The following GOSR1 variants were observed in gnomAD, a reference collection of about 807,000 sequenced individuals.
The protein encoded by GOSR1 is 28 kDa Golgi SNARE protein.
Under a neutral mutation model 35.5 loss-of-function variants are expected in GOSR1, and 21 were observed. The ratio of observed to expected loss-of-function variants is 0.59; its 90% confidence interval spans 0.42 to 0.85. The LOEUF (loss-of-function observed/expected upper bound fraction) is 0.85. Ranked by LOEUF, GOSR1 falls within the 40% of genes least tolerant of loss-of-function variation. GOSR1 has a pLI of 0.00. For missense variants in GOSR1, 285 were observed against 309.6 expected, an observed-to-expected ratio of 0.92 and a Z score of 0.60; for synonymous variants, 94 against 106.6, an observed-to-expected ratio of 0.88 and a Z score of 0.73.
intron 6 of GOSR1, among the ~76,000 whole-genome samples, chr17:30,497,874 A>G (rs1372827003): frequency 6.6e-6 from 1 of 152,204 alleles, no homozygotes; most frequent in Non-Finnish European, 1.5e-5. Flanking sequence ...CCTGGCCAAC[A>G]TGGTGAAACC....
At chr17:30,509,100 C>T (rs1047669184) in intron 6 of GOSR1, among the ~76,000 whole-genome samples, 1 of 152,170 alleles carries the variant, frequency 6.6e-6, no homozygotes. Flanking sequence ...CTCAGCCTCC[C>T]GAGTAGCTGG....
chr17:30,477,824 G>T lies in GOSR1; in HGVS notation c.31+360G>T, dbSNP rs560355838. On this transcript the variant is annotated intron_variant, in intron 1 of 8. Transcript: ENST00000451249. Reference sequence around the variant, plus strand: ...CTGAGAGGAAACGAATGTTGAGGGAGAAGATCCAGAGCCCCGGAGACTGGA... The same window carrying T: ...CTGAGAGGAAACGAATGTTGAGGGATAAGATCCAGAGCCCCGGAGACTGGA... The T allele has an allele frequency of 3.0e-6, 3 of 985,362 alleles. No homozygotes were observed. In the East Asian group the frequency reaches 3.4e-4, roughly 112 times the overall value. 61.0% of individuals were successfully genotyped at this position (985,362 alleles called of 1,614,324 possible). A position where few individuals can be genotyped will look rare whatever the true frequency, so the allele number is the denominator to read the frequency against.
rs1597804499 is a variant in GOSR1, at chr17:30,522,375, T to C, written c.744T>C (p.His248=). Residue 248 remains histidine, a synonymous_variant, in exon 9 of 9, where the codon CAT becomes CAC. Transcript: ENST00000451249. The stretch of plus-strand genomic sequence containing the variant: ...TCCTGTTGCTGCTGTATGCGTTCCA[T>C]TGATGGGACATCTTCAGGGACTCTT... ...CTILLLLYAF[H] The C allele has an allele frequency of 1.9e-6, 3 of 1,573,366 alleles. No homozygotes were observed. The highest frequency in any genetic ancestry group is 2.6e-6 in the Non-Finnish European group (3 of 1,159,410).
chr17:30,490,296 T>C, intron 5 of GOSR1, 79 bp downstream of exon 5: 1 of 684,092 alleles, frequency 1.5e-6, no homozygotes, highest in South Asian at 1.8e-5. Context: ...AATTGCAAAT[T>C]GAGTGGCAGA....
intron 1 of GOSR1, chr17:30,480,101 G>A (rs923183999): frequency 6.6e-6 from 1 of 152,076 alleles, no homozygotes. Context: ...GAGGTCAGGA[G>A]TTAAAGACCA....
intron 6 of GOSR1, among the ~76,000 whole-genome samples, chr17:30,501,372 A>G (rs1031954561): frequency 6.6e-6 from 1 of 152,222 alleles, no homozygotes. Flanking sequence ...GCTAAAATCC[A>G]AAACACTGAC....
intron 7 of GOSR1, among the ~76,000 whole-genome samples, chr17:30,515,888 G>T (rs1355546200): frequency 6.6e-6 from 1 of 152,198 alleles, no homozygotes; most frequent in Admixed American, 6.5e-5. Flanking sequence ...AGATGGGATT[G>T]TCAGCATTAA....
At chr17:30,519,492 G>A (rs1443478364) in intron 7 of GOSR1, among the ~76,000 whole-genome samples, 2 of 152,116 alleles carry the variant, frequency 1.3e-5, no homozygotes, top group Admixed American at 1.3e-4. Flanking sequence ...GGCTGGTTGT[G>A]TATTCACATT....
chr17:30,477,478 GGCCTC>G lies in GOSR1; in HGVS notation c.31+15_31+19del. 6.2e-7 allele frequency: 1 copy of G among 1,607,082 alleles called. No individual in the cohort carries two copies. On this transcript the variant is annotated intron_variant, in intron 1 of 8. Transcript: ENST00000451249. Reference sequence around the variant, plus strand: ...GTTACTGGGAAGGTGAGGGCGAGAAGGCCTCCGGGTGCGTCCTACGAGGGTGAGAG... The same window carrying G: ...GTTACTGGGAAGGTGAGGGCGAGAAGCGGGTGCGTCCTACGAGGGTGAGAG...
Position 30,522,248 on chromosome 17 carries a change from C to T in GOSR1, c.623-6C>T. The T allele has an allele frequency of 1.9e-6, 3 of 1,593,300 alleles. No homozygotes were observed. The highest frequency in any genetic ancestry group is 8.5e-7 in the Non-Finnish European group (1 of 1,172,140). Reference sequence around the variant, plus strand: ...CAAATATGACCTTAATAAAGATTTCCCAAAGATCGTTTTCCTGCTGTAAAC... The same window carrying T: ...CAAATATGACCTTAATAAAGATTTCTCAAAGATCGTTTTCCTGCTGTAAAC... On this transcript the variant is annotated splice_polypyrimidine_tract_variant and splice_region_variant and intron_variant, in intron 8 of 8. Coordinates refer to ENST00000451249, the MANE Select transcript of GOSR1 (RefSeq NM_001007025.2).
intron 7 of GOSR1, among the ~76,000 whole-genome samples, chr17:30,518,661 G>A (rs1967908772): frequency 6.6e-6 from 1 of 152,156 alleles, no homozygotes; most frequent in Admixed American, 6.5e-5. Flanking sequence ...AAGCTTGGTG[G>A]CTCACACCTA....
chr17:30,524,333 T>C lies in GOSR1; in HGVS notation c.*1955T>C, dbSNP rs528884626. On this transcript the variant is annotated 3_prime_UTR_variant, in exon 9 of 9. Coordinates refer to ENST00000451249, the MANE Select transcript of GOSR1 (RefSeq NM_001007025.2). Reference sequence around the variant, plus strand: ...TTTCTACTCTGTCTCCTCAACTCTGTTGATATTTGGGGAAAATTCTGTTTT... The same window carrying C: ...TTTCTACTCTGTCTCCTCAACTCTGCTGATATTTGGGGAAAATTCTGTTTT... 1 of 152,362 alleles carries C rather than the reference T, an allele frequency of 6.6e-6. No individual in the cohort carries two copies. Among genetic ancestry groups the C allele is most frequent in the Admixed American group, 6.5e-5 (1 of 15,306 alleles). 9.4% of individuals were successfully genotyped at this position (152,362 alleles called of 1,614,324 possible).
At position 30,522,308 on chromosome 17, in the gene GOSR1, G is replaced by A. The variant is rs199814987; in HGVS notation, c.677G>A (p.Arg226Gln). 1.6e-5 allele frequency: 26 copies of A among 1,610,020 alleles called. No homozygotes were observed. The highest frequency in any genetic ancestry group is 9.3e-5 in the African/African-American group (7 of 74,954). ...LIQRINLRKR[R>Q]DSLILGGVIG... is the part of the protein sequence containing the mutation. ...CAGAGGATCAACCTGAGGAAGCGGC[G>A]GGACTCGCTCATCCTAGGGGGTGTT... is the stretch of plus-strand genomic sequence containing the variant. Residue 226 changes from arginine to glutamine, a missense_variant, in exon 9 of 9, where the codon CGG (arginine) becomes CAG (glutamine). By Grantham distance (43) the Arg-to-Gln change is conservative. Transcript: ENST00000451249.
Position 30,513,101 on chromosome 17 carries a change from A to G in GOSR1, c.539+2192A>G, listed in dbSNP as rs1447150905. ...GAAGAATATAAAGTTTGTGTCAAAT[A>G]GTATTTTTGCATATTCCATATGGAA... On this transcript the variant is annotated intron_variant, in intron 7 of 8. Transcript: ENST00000451249. Among the ~76,000 whole-genome samples, 4 of 152,116 alleles carry G rather than the reference A, an allele frequency of 2.6e-5. No homozygotes were observed. In the East Asian group the frequency reaches 7.7e-4, roughly 29 times the overall value.
intron 5 of GOSR1, 72 bp downstream of exon 5, chr17:30,490,289 TGCAAATTGAGTGGCAG>T: frequency 5.5e-6 from 4 of 728,036 alleles, no homozygotes; most frequent in Non-Finnish European, 4.8e-6. Flanking sequence ...CACGGTTAAT[TGCAAATTGAGTGGCAG>T]AACCGTGGTT....
At chr17:30,510,285 G>A (rs1244727343) in intron 6 of GOSR1, among the ~76,000 whole-genome samples, 1 of 152,138 alleles carries the variant, frequency 6.6e-6, no homozygotes, top group Non-Finnish European at 1.5e-5. Context: ...TGTTGGCCAG[G>A]CTGGTCTCGA....
chr17:30,482,397 A>G (rs1001647024), intron 2 of GOSR1, among the ~76,000 whole-genome samples: 3 of 152,178 alleles, frequency 2.0e-5, no homozygotes, highest in Admixed American at 6.5e-5. Flanking sequence ...AAGAGTGTTC[A>G]TTATATGTTA....
chr17:30,479,533 C>T (rs1443186481), intron 1 of GOSR1: 2 of 152,228 alleles, frequency 1.3e-5, no homozygotes, highest in African/African-American at 4.8e-5. Context: ...GAGTCTCGCA[C>T]TGTCGCCCAG....
chr17:30,487,625 T>C (rs1009328707), intron 4 of GOSR1, among the ~76,000 whole-genome samples: 1 of 152,224 alleles, frequency 6.6e-6, no homozygotes, highest in African/African-American at 2.4e-5. Context: ...GTTGAAACAT[T>C]TATAACCCAT....
Sources: allele counts gnomAD v4.1 joint callset (sites outside exome capture counted in the v4.1 genomes callset), GRCh38; gene constraint gnomAD v4.1.1; transcripts MANE v1.5; gene names NCBI Gene and HGNC (gene_info 2026-07-23, HGNC 2026-07-21).